NADSYN1: variants seen among roughly 807,000 people sequenced by gnomAD.
The protein encoded by NADSYN1 is glutamine-dependent NAD(+) synthetase.
A neutral mutation model predicts 99.3 loss-of-function variants in NADSYN1; 80 were observed. That is an observed-to-expected ratio of 0.81 (90% CI 0.67 to 0.97). The LOEUF is 0.97. NADSYN1 is among the 50% of genes least tolerant of loss of function. The probability of loss-of-function intolerance (pLI) is 0.00; values close to 1 mark genes in which losing one functional copy is unlikely to be tolerated. For synonymous variants in NADSYN1, 385 were observed against 372.1 expected (o/e 1.03, Z -0.40); for missense variants, 859 against 948.5 (o/e 0.91, Z 1.24).
At position 71,458,553 on chromosome 11, in the gene NADSYN1, C is replaced by T; in HGVS notation, c.263+9C>T. The T allele has an allele frequency of 6.3e-7, 1 of 1,588,820 alleles. No individual in the cohort carries two copies. The highest frequency in any genetic ancestry group is 8.6e-7 in the Non-Finnish European group (1 of 1,156,554). ...ATCTGCGACGTGGGGATGTAAGTGC[C>T]AGTGTGAGTGTGGAAGGGCAAACCT... On this transcript the variant is annotated intron_variant, in intron 3 of 20. Coordinates refer to ENST00000319023, the MANE Select transcript of NADSYN1 (RefSeq NM_018161.5).
rs148847821 is a variant in NADSYN1 at position 71,471,946 on chromosome 11, G to A, written c.408-503G>A. On this transcript the variant is annotated intron_variant, in intron 5 of 20. Transcript: ENST00000319023. Reference sequence around the variant, plus strand: ...TCTGTTTTGAAGATTCCGCCTCTTGGTGGAGCTTCTTGGGACACCTTGCAC... The same window carrying A: ...TCTGTTTTGAAGATTCCGCCTCTTGATGGAGCTTCTTGGGACACCTTGCAC... Among the ~76,000 whole-genome samples, 43 of 149,908 alleles carry A rather than the reference G, an allele frequency of 2.9e-4. 2 individuals carry two copies. Among genetic ancestry groups the A allele is most frequent in the African/African-American group, 9.9e-4 (41 of 41,426 alleles).
rs1254015949 is a variant in NADSYN1, at chr11:71,487,574, G to A, written c.1562+1926G>A. Among the ~76,000 whole-genome samples the A allele has an allele frequency of 2.6e-5, 4 of 152,294 alleles. No individual in the cohort carries two copies. The South Asian group carries it at 8.3e-4, about 32-fold the overall frequency. ...GGGCTGGGCACAGTGGCTCACGTCT[G>A]TAATCCCAGCACTTTGGGAGGCTGA... On this transcript the variant is annotated intron_variant, in intron 16 of 20. Coordinates refer to ENST00000319023, the MANE Select transcript of NADSYN1 (RefSeq NM_018161.5).
intron 17 of NADSYN1, among the ~76,000 whole-genome samples, chr11:71,491,274 T>C (rs1949777250): frequency 1.3e-5 from 2 of 152,260 alleles, no homozygotes; most frequent in African/African-American, 2.4e-5. Flanking sequence ...TCGCCACATC[T>C]GAGCAGAGCG....
intron 18 of NADSYN1, among the ~76,000 whole-genome samples, chr11:71,494,507 G>A (rs183090683): frequency 2.3e-3 from 355 of 151,804 alleles, no homozygotes; most frequent in Non-Finnish European, 4.1e-3. Flanking sequence ...TCAGTGATGC[G>A]CGCCTGTCTT....
intron 5 of NADSYN1, 30 bp downstream of exon 5, chr11:71,464,172 T>G: frequency 6.5e-7 from 1 of 1,547,228 alleles, no homozygotes; most frequent in Non-Finnish European, 8.8e-7. Flanking sequence ...ACTCCTGGGA[T>G]GTGCGTTAAG....
Position 71,498,433 on chromosome 11 carries a change from G to A in NADSYN1, c.1975G>A (p.Ala659Thr), listed in dbSNP as rs1436603746. 3.1e-6 allele frequency: 5 copies of A among 1,614,126 alleles called. No individual in the cohort carries two copies. Among genetic ancestry groups the A allele is most frequent in the East Asian group, 2.2e-5 (1 of 44,870 alleles). ...KMTTLTPAYH[A>T]ENYSPEDNRF... ...GACCACGCTCACACCCGCGTACCAC[G>A]CCGAGAACTACAGCCCTGAGGACAA... The change falls in exon 20 of 21, where the codon GCC becomes ACC. Residue 659 changes from alanine to threonine, a missense_variant. By Grantham distance (58) the Ala-to-Thr change is moderately conservative (BLOSUM62 0). Coordinates refer to ENST00000319023, the MANE Select transcript of NADSYN1 (RefSeq NM_018161.5).
intron 9 of NADSYN1, chr11:71,477,532 G>C (rs914575032): frequency 9.9e-7 from 1 of 1,005,784 alleles, no homozygotes; most frequent in Non-Finnish European, 1.3e-6. Context: ...TGCTGTTCCC[G>C]CTGTCCCACA....
chr11:71,453,207 C>A lies in NADSYN1; in HGVS notation c.-90C>A. On this transcript the variant is annotated 5_prime_UTR_variant, in exon 1 of 21. Transcript: ENST00000319023. ...GGGGAGGGGGCGGGGCCGGGCAACC[C>A]GGAAGGTCCGGCGTCCCAGCCGCCT... 4 of 1,162,490 alleles carry A rather than the reference C, an allele frequency of 3.4e-6. No homozygotes were observed. Among genetic ancestry groups the A allele is most frequent in the Admixed American group, 4.2e-5 (2 of 47,270 alleles). The allele number at this position is 1,162,490 out of a possible 1,614,324, so 72.0% of individuals were successfully genotyped here.
chr11:71,493,743 G>A (rs1949799943), intron 18 of NADSYN1, among the ~76,000 whole-genome samples: 1 of 152,176 alleles, frequency 6.6e-6, no homozygotes, highest in South Asian at 2.1e-4. Flanking sequence ...AGGTCTGTGA[G>A]CCAGTTGAGT....
Position 71,455,152 on chromosome 11 carries a change from G to C in NADSYN1, c.128G>C (p.Gly43Ala). Reference sequence around the variant, plus strand: ...AACAGAGGAGCAAGATACAGGCTTGGACCAGAGCTGGAAATATGGTGAGAA... The same window carrying C: ...AACAGAGGAGCAAGATACAGGCTTGCACCAGAGCTGGAAATATGGTGAGAA... ...AKNRGARYRL[G>A]PELEICGYGC... Residue 43 changes from glycine to alanine, a missense_variant, in exon 2 of 21, where the codon GGA (glycine) becomes GCA (alanine). Transcript: ENST00000319023. The C allele has an allele frequency of 6.2e-7, 1 of 1,614,058 alleles. No homozygotes were observed. The highest frequency in any genetic ancestry group is 8.5e-7 in the Non-Finnish European group (1 of 1,179,956).
chr11:71,474,644 T>G, intron 9 of NADSYN1, 118 bp downstream of exon 9: 2 of 1,308,760 alleles, frequency 1.5e-6, no homozygotes, highest in Non-Finnish European at 2.2e-6. Context: ...CCCCCGGGGG[T>G]CCCGCCTGCT....
intron 15 of NADSYN1, chr11:71,484,728 AGT>A (rs891888708): frequency 8.2e-5 from 34 of 417,038 alleles, no homozygotes; most frequent in African/African-American, 6.6e-4. Context: ...TGCGTGCTCG[AGT>A]GTGTGCATGA....
intron 20 of NADSYN1, among the ~76,000 whole-genome samples, chr11:71,500,347 G>C (rs1313545316): frequency 1.3e-5 from 2 of 150,870 alleles, no homozygotes; most frequent in African/African-American, 2.4e-5. Context: ...AACGAGGGTG[G>C]ATCAGTGGCA....
intron 6 of NADSYN1, 141 bp from the exon 7 acceptor site, chr11:71,473,137 G>T: frequency 1.3e-6 from 1 of 791,316 alleles, no homozygotes; most frequent in Non-Finnish European, 2.1e-6. Flanking sequence ...CAGCCGCAGG[G>T]CACCCACCTC....
Position 71,477,272 on chromosome 11 carries a change from T to G in NADSYN1, c.799-1123T>G, listed in dbSNP as rs1949675075. On this transcript the variant is annotated intron_variant, in intron 9 of 20. Transcript: ENST00000319023. ...AGAGTGGGATGGAGCCACCTTCTCA[T>G]GGAACGATCCTCGCCTTCCCTCATC... is the stretch of plus-strand genomic sequence containing the variant. 5 of 1,242,400 alleles carry G rather than the reference T, an allele frequency of 4.0e-6. No homozygotes were observed. The South Asian group carries it at 6.8e-5, about 17-fold the overall frequency. 77.0% of individuals were successfully genotyped at this position (1,242,400 alleles called of 1,614,324 possible). A position where few individuals can be genotyped will look rare whatever the true frequency, so the allele number is the denominator to read the frequency against.
intron 2 of NADSYN1, 132 bp downstream of exon 2, chr11:71,455,302 T>A: frequency 1.4e-6 from 1 of 701,780 alleles, no homozygotes; most frequent in Non-Finnish European, 2.4e-6. Context: ...CTGTTGGGCC[T>A]GGTTAATGCC....
At chr11:71,492,871 T>C (rs1271589117) in intron 18 of NADSYN1, among the ~76,000 whole-genome samples, 2 of 150,430 alleles carry the variant, frequency 1.3e-5, no homozygotes, top group Admixed American at 1.3e-4. Flanking sequence ...GTCTTACTTA[T>C]TTAAGTTGTC....
At chr11:71,478,540 C>T (rs879558526) in intron 10 of NADSYN1, 71 bp downstream of exon 10, 2 of 1,386,622 alleles carry the variant, frequency 1.4e-6, no homozygotes, top group African/African-American at 2.9e-5. Context: ...TTCGTGCGGG[C>T]CTGGTGGAGG....
intron 2 of NADSYN1, among the ~76,000 whole-genome samples, chr11:71,456,898 G>C (rs957087224): frequency 6.6e-6 from 1 of 152,244 alleles, no homozygotes; most frequent in Non-Finnish European, 1.5e-5. Context: ...TTACTGGTTA[G>C]AGGTCCAGCA....
Sources: gnomAD v4.1 joint callset for allele counts (sites outside exome capture counted in the v4.1 genomes callset) on GRCh38, gnomAD v4.1.1 for gene constraint, MANE v1.5 for transcripts, NCBI Gene and HGNC (gene_info 2026-07-23, HGNC 2026-07-21) for gene names.